Variants in SNTG2 observed in about 807,000 individuals in gnomAD.
SNTG2 encodes the protein gamma-2-syntrophin.
A neutral mutation model predicts 70.9 loss-of-function variants in SNTG2; 74 were observed. That is an observed-to-expected ratio of 1.04 (90% CI 0.86 to 1.27). The LOEUF is 1.27. Among genes scored for constraint, SNTG2 ranks in the 50% most tolerant of loss-of-function variants. SNTG2 has a pLI of 0.00. For synonymous variants in SNTG2, 278 were observed against 273.8 expected (o/e 1.02, Z -0.15); for missense variants, 717 against 690.7 (o/e 1.04, Z -0.43).
chr2:1,177,763 G>C (rs936239575), intron 8 of SNTG2, among the ~76,000 whole-genome samples: 4 of 152,030 alleles, frequency 2.6e-5, no homozygotes, highest in Non-Finnish European at 4.4e-5. Context: ...AGGAAACTAA[G>C]CATACCCACA....
chr2:1,202,214 ATACTT>A (rs1673319992), intron 8 of SNTG2, among the ~76,000 whole-genome samples: 1 of 152,078 alleles, frequency 6.6e-6, no homozygotes, highest in Admixed American at 6.6e-5. Context: ...CAGATAAATA[ATACTT>A]TAAAGGACAA....
chr2:1,086,371 C>T (rs189380663), intron 2 of SNTG2, among the ~76,000 whole-genome samples: 33 of 152,292 alleles, frequency 2.2e-4, no homozygotes, highest in Non-Finnish European at 1.5e-5. Context: ...GTCAGATCTT[C>T]TGTGAGTGAA....
chr2:1,063,885 C>T (rs1662983681), intron 1 of SNTG2, among the ~76,000 whole-genome samples: 1 of 152,102 alleles, frequency 6.6e-6, no homozygotes, highest in South Asian at 2.1e-4. Context: ...CATACAATGG[C>T]CACGAATTTA....
chr2:1,294,160 G>A (rs943396414), intron 14 of SNTG2, among the ~76,000 whole-genome samples: 2 of 152,156 alleles, frequency 1.3e-5, no homozygotes, highest in Non-Finnish European at 1.5e-5. Context: ...TTTTTTGGAG[G>A]AGATGGAATG....
At chr2:1,001,143 G>T (rs1433004263) in intron 1 of SNTG2, among the ~76,000 whole-genome samples, 1 of 151,944 alleles carries the variant, frequency 6.6e-6, no homozygotes, top group Non-Finnish European at 1.5e-5. Context: ...CCATGTATGA[G>T]AAATGCACAG....
At chr2:1,175,621 C>A (rs1671422428) in intron 8 of SNTG2, among the ~76,000 whole-genome samples, 1 of 152,158 alleles carries the variant, frequency 6.6e-6, no homozygotes, top group African/African-American at 2.4e-5. Flanking sequence ...TATTTTCCTA[C>A]AGAGTCTTTT....
intron 1 of SNTG2, among the ~76,000 whole-genome samples, chr2:990,111 T>A (rs985542800): frequency 1.3e-5 from 2 of 152,208 alleles, no homozygotes; most frequent in Non-Finnish European, 2.9e-5. Context: ...AAAAATCCGC[T>A]TTTATTGCTG....
chr2:1,124,161 G>A (rs1667552709), intron 4 of SNTG2, among the ~76,000 whole-genome samples: 1 of 152,086 alleles, frequency 6.6e-6, no homozygotes, highest in South Asian at 2.1e-4. Context: ...TGAGGTCATA[G>A]ATATGTTAAC....
At chr2:1,247,209 T>G (rs796963290) in intron 11 of SNTG2, 118 bp from the exon 12 acceptor site, 60 of 613,988 alleles carry the variant, frequency 9.8e-5, no homozygotes, top group African/African-American at 9.4e-4. Flanking sequence ...GTTTCTCCCG[T>G]CTCCTGATTC....
intron 1 of SNTG2, among the ~76,000 whole-genome samples, chr2:1,030,746 T>C (rs1464531542): frequency 6.6e-6 from 1 of 152,216 alleles, no homozygotes; most frequent in Non-Finnish European, 1.5e-5. Flanking sequence ...TTACATTGTA[T>C]TCACCTTCTG....
intron 4 of SNTG2, among the ~76,000 whole-genome samples, chr2:1,100,746 T>C (rs1665735301): frequency 6.6e-6 from 1 of 152,092 alleles, no homozygotes; most frequent in South Asian, 2.1e-4. Flanking sequence ...TTTTCAGTTA[T>C]TTTCATTAAT....
chr2:1,292,025 G>A (rs951028320), intron 14 of SNTG2, among the ~76,000 whole-genome samples: 1 of 152,084 alleles, frequency 6.6e-6, no homozygotes, highest in Non-Finnish European at 1.5e-5. Context: ...ATGTTTTGTA[G>A]TTTTCAATGT....
At chr2:1,314,163 G>T (rs147181894) in intron 15 of SNTG2, among the ~76,000 whole-genome samples, 1 of 152,146 alleles carries the variant, frequency 6.6e-6, no homozygotes, top group Non-Finnish European at 1.5e-5. Context: ...CCACTACTGC[G>T]CTCTTTCTTC....
At chr2:999,611 G>T (rs1661802692) in intron 1 of SNTG2, among the ~76,000 whole-genome samples, 1 of 151,906 alleles carries the variant, frequency 6.6e-6, no homozygotes, top group Non-Finnish European at 1.5e-5. Flanking sequence ...AAATATACAT[G>T]CCCCAACACT....
Position 1,083,574 on chromosome 2 carries a change from C to A in SNTG2, c.129C>A (p.Ile43=). The A allele has an allele frequency of 1.9e-6, 3 of 1,613,722 alleles. No homozygotes were observed. The highest frequency in any genetic ancestry group is 2.5e-6 in the Non-Finnish European group (3 of 1,179,724). The stretch of plus-strand genomic sequence containing the variant: ...AAGAGTCCGAAAATGCCTATGACAT[C>A]CGGCTGAAGCTGACGAAAGAGGTGC... ...YDEESENAYD[I]RLKLTKEVLT... The change falls in exon 2 of 17, where the codon ATC becomes ATA. Residue 43 remains isoleucine, a synonymous_variant. Transcript: ENST00000308624.
chr2:1,083,618 ATGT>A lies in SNTG2; in HGVS notation c.177_179del (p.Val60del). 1 of 1,613,748 alleles carries A rather than the reference ATGT, an allele frequency of 6.2e-7. No individual in the cohort carries two copies. Among genetic ancestry groups the A allele is most frequent in the South Asian group, 1.1e-5 (1 of 91,072 alleles). ...GAGGTGCTGACAATTCAGAAACAAG[ATGT>A]TGTCTGTGTGGGCGGAAGCCACCAG... On this transcript the variant is annotated inframe_deletion, in exon 2 of 17. Coordinates refer to ENST00000308624, the MANE Select transcript of SNTG2 (RefSeq NM_018968.4).
At chr2:1,150,806 C>T (rs1477398598) in intron 6 of SNTG2, among the ~76,000 whole-genome samples, 1 of 152,154 alleles carries the variant, frequency 6.6e-6, no homozygotes, top group Non-Finnish European at 1.5e-5. Flanking sequence ...CAAGGGAAGA[C>T]CAGACCTCTC....
At chr2:1,136,697 G>A (rs1316354336) in intron 4 of SNTG2, among the ~76,000 whole-genome samples, 1 of 152,146 alleles carries the variant, frequency 6.6e-6, no homozygotes, top group African/African-American at 2.4e-5. Flanking sequence ...ACAAACCTAT[G>A]TGAAGGCAAA....
intron 14 of SNTG2, among the ~76,000 whole-genome samples, chr2:1,300,373 C>G (rs1314049557): frequency 6.6e-6 from 1 of 152,244 alleles, no homozygotes; most frequent in Non-Finnish European, 1.5e-5. Context: ...ATCCAGTCTG[C>G]TTTAGGCCGA....
Sources: allele counts gnomAD v4.1 joint callset (sites outside exome capture counted in the v4.1 genomes callset), GRCh38; gene constraint gnomAD v4.1.1; transcripts MANE v1.5; gene names NCBI Gene and HGNC (gene_info 2026-07-23, HGNC 2026-07-21).